Variants in PRKG1 observed in about 807,000 individuals in gnomAD.
The protein encoded by PRKG1 is cGMP-dependent protein kinase 1.
PRKG1 carries 35 observed loss-of-function variants against 88.1 expected under a neutral mutation model. That is an observed-to-expected ratio of 0.40 (90% CI 0.30 to 0.53). The LOEUF (loss-of-function observed/expected upper bound fraction) is 0.53, where lower values mean the gene tolerates loss of function less well. PRKG1 is among the 20% of genes least tolerant of loss of function. The probability of loss-of-function intolerance (pLI) is 0.59; values close to 1 mark genes in which losing one functional copy is unlikely to be tolerated. For synonymous variants in PRKG1, 303 were observed against 292.5 expected, an observed-to-expected ratio of 1.04 and a Z score of -0.37; for missense variants, 540 against 839.8, an observed-to-expected ratio of 0.64 and a Z score of 4.41.
intron 2 of PRKG1, among the ~76,000 whole-genome samples, chr10:51,213,264 A>G (rs189282208): frequency 5.9e-4 from 90 of 152,238 alleles, no homozygotes; most frequent in African/African-American, 2.1e-3. Flanking sequence ...GGAATTGAAC[A>G]ATGAGAACAC....
At chr10:52,257,403 G>C (rs1841334241) in intron 10 of PRKG1, among the ~76,000 whole-genome samples, 1 of 139,866 alleles carries the variant, frequency 7.1e-6, no homozygotes, top group Admixed American at 7.5e-5. Flanking sequence ...AGTCAGCAGG[G>C]TCTTATTGCG....
chr10:51,349,663 C>G (rs1021923921), intron 2 of PRKG1, among the ~76,000 whole-genome samples: 1 of 151,880 alleles, frequency 6.6e-6, no homozygotes, highest in African/African-American at 2.4e-5. Flanking sequence ...TGCACCACCA[C>G]GCCCAGCTAA....
chr10:51,545,173 A>G (rs1195068580), intron 3 of PRKG1, among the ~76,000 whole-genome samples: 1 of 152,082 alleles, frequency 6.6e-6, no homozygotes, highest in Non-Finnish European at 1.5e-5. Context: ...CTAATAAAAA[A>G]ATTGTAGACA....
chr10:51,599,352 A>G (rs1838538860), intron 3 of PRKG1, among the ~76,000 whole-genome samples: 1 of 152,194 alleles, frequency 6.6e-6, no homozygotes, highest in Non-Finnish European at 1.5e-5. Context: ...TGACTAATCC[A>G]AAATGGCAAT....
At chr10:51,685,347 G>T (rs12414483) in intron 3 of PRKG1, among the ~76,000 whole-genome samples, 14,585 of 152,138 alleles carry the variant, frequency 0.096, 859 homozygotes, top group Admixed American at 0.13. Flanking sequence ...CAAATGCCTG[G>T]CATTTCGTAG....
chr10:51,474,327 T>C (rs920031653), intron 3 of PRKG1, among the ~76,000 whole-genome samples: 21 of 152,044 alleles, frequency 1.4e-4, no homozygotes, highest in African/African-American at 5.1e-4. Flanking sequence ...CCAGTGTATC[T>C]GTAAGACTAC....
Position 52,288,774 on chromosome 10 carries a change from G to A in PRKG1, c.1758G>A (p.Leu586=). Residue 586 remains leucine (L), a synonymous_variant, in exon 15 of 18, where the codon TTG becomes TTA. Transcript: ENST00000373980. The stretch of plus-strand genomic sequence containing the variant: ...CTATGAAAACCTATAACATCATATT[G>A]AGGGGGATTGACATGATAGAATTTC... ...PDPMKTYNII[L]RGIDMIEFPK... 6.2e-7 allele frequency: 1 copy of A among 1,603,742 alleles called. No homozygotes were observed.
chr10:52,089,804 CTTTTTTTTTTTTT>C (rs397846439), intron 7 of PRKG1, among the ~76,000 whole-genome samples: 1 of 67,722 alleles, frequency 1.5e-5, no homozygotes, highest in African/African-American at 6.7e-5. Context: ...TTCTTTCCTT[CTTTTTTTTTTTTT>C]TTTTTTTTTT....
intron 3 of PRKG1, among the ~76,000 whole-genome samples, chr10:51,617,569 C>A (rs1237425492): frequency 6.6e-6 from 1 of 152,126 alleles, no homozygotes; most frequent in Non-Finnish European, 1.5e-5. Context: ...TGTTTATATA[C>A]ACAAATACAT....
At chr10:51,343,926 G>A (rs1842056510) in intron 2 of PRKG1, among the ~76,000 whole-genome samples, 1 of 152,118 alleles carries the variant, frequency 6.6e-6, no homozygotes, top group African/African-American at 2.4e-5. Context: ...AGAGAGATTT[G>A]TTTTTTAAAT....
intron 2 of PRKG1, among the ~76,000 whole-genome samples, chr10:51,403,580 A>G (rs537971195): frequency 6.6e-6 from 1 of 152,266 alleles, no homozygotes; most frequent in Admixed American, 6.5e-5. Flanking sequence ...AGCCTCAATA[A>G]CTTGCCCAAT....
At chr10:51,209,474 TTAAGG>T (rs1162469349) in intron 2 of PRKG1, among the ~76,000 whole-genome samples, 1 of 152,164 alleles carries the variant, frequency 6.6e-6, no homozygotes, top group Non-Finnish European at 1.5e-5. Context: ...TGTTCACTCA[TTAAGG>T]TAGTTTCAGA....
intron 2 of PRKG1, among the ~76,000 whole-genome samples, chr10:51,376,629 C>T (rs1842821884): frequency 6.6e-6 from 1 of 152,010 alleles, no homozygotes. Context: ...TTTCAAGTCA[C>T]ATTTACTAGG....
At chr10:51,439,374 C>G (rs1022346770) in intron 2 of PRKG1, among the ~76,000 whole-genome samples, 11 of 151,834 alleles carry the variant, frequency 7.2e-5, no homozygotes, top group African/African-American at 2.4e-4. Context: ...TTATCTTAAA[C>G]TCTGCCTCAC....
chr10:51,284,321 A>T (rs1217760371), intron 2 of PRKG1, among the ~76,000 whole-genome samples: 2 of 152,206 alleles, frequency 1.3e-5, no homozygotes, highest in African/African-American at 4.8e-5. Flanking sequence ...GCCACATTGT[A>T]AAGACATTAT....
chr10:52,232,249 G>A (rs2132353817), intron 9 of PRKG1, among the ~76,000 whole-genome samples: 1 of 152,016 alleles, frequency 6.6e-6, no homozygotes, highest in South Asian at 2.1e-4. Context: ...GATGCAGTGA[G>A]CCGAGATCAC....
chr10:51,402,582 T>C (rs1837781118), intron 2 of PRKG1, among the ~76,000 whole-genome samples: 1 of 152,212 alleles, frequency 6.6e-6, no homozygotes, highest in Non-Finnish European at 1.5e-5. Context: ...TTTTATATGC[T>C]GACTGTATTA....
rs1223588085 is a variant in PRKG1 at position 51,181,224 on chromosome 10, A to ATTTTTTTTTTTTTTTT, written c.478+27907_478+27922dup. ...AAGCTGACCAAGATTATTATATAGA[A>ATTTTTTTTTTTTTTTT]TTTTTTTTTTTTTTTTTTTTTTTTT... On this transcript the variant is annotated intron_variant, in intron 2 of 17. Transcript: ENST00000373980. 1.0e-4 allele frequency among the ~76,000 whole-genome samples: 8 copies of ATTTTTTTTTTTTTTTT among 78,286 alleles called. 1 individual carries two copies. The highest frequency in any genetic ancestry group is 1.6e-4 in the Admixed American group (1 of 6,228). 51.4% of individuals were successfully genotyped at this position (78,286 alleles called of 152,430 possible).
At chr10:51,030,221 CT>C (rs2132745178) in intron 1 of PRKG1, among the ~76,000 whole-genome samples, 1 of 151,680 alleles carries the variant, frequency 6.6e-6, no homozygotes, top group Non-Finnish European at 1.5e-5. Flanking sequence ...CATAATAAGC[CT>C]TTTGATAAAT....
Sources: allele counts gnomAD v4.1 joint callset (sites outside exome capture counted in the v4.1 genomes callset), GRCh38; gene constraint gnomAD v4.1.1; transcripts MANE v1.5; gene names NCBI Gene and HGNC (gene_info 2026-07-23, HGNC 2026-07-21).